ITPR1: variants seen among roughly 807,000 people sequenced by gnomAD.
ITPR1 encodes inositol 1,4,5-trisphosphate receptor type 1, also known as inositol 1,4,5-trisphosphate-gated calcium channel ITPR1.
Under a neutral mutation model 318.4 loss-of-function variants are expected in ITPR1, and 96 were observed. The ratio of observed to expected loss-of-function variants is 0.30; its 90% CI spans 0.26 to 0.36. The LOEUF is 0.36. Ranked by LOEUF, ITPR1 falls within the 10% of genes least tolerant of loss-of-function variation. The probability of loss-of-function intolerance (pLI) is 1.00; values close to 1 mark genes in which losing one functional copy is unlikely to be tolerated. For missense variants in ITPR1, 2,440 were observed against 3,460.2 expected, an observed-to-expected ratio of 0.71 and a Z score of 7.40; for synonymous variants, 1,312 against 1,289.9, an observed-to-expected ratio of 1.02 and a Z score of -0.37.
At chr3:4,509,291 C>T (rs1478964853) in intron 2 of ITPR1, among the ~76,000 whole-genome samples, 1 of 152,206 alleles carries the variant, frequency 6.6e-6, no homozygotes, top group African/African-American at 2.4e-5. Context: ...CAAGTGTACA[C>T]TCTTGTCAGT....
chr3:4,778,941 T>G (rs2046648334), intron 48 of ITPR1, among the ~76,000 whole-genome samples: 1 of 152,168 alleles, frequency 6.6e-6, no homozygotes, highest in South Asian at 2.1e-4. Context: ...AAGTACAGGA[T>G]GTGGGGTGTG....
chr3:4,683,325 AG>A (rs2094334527), intron 26 of ITPR1, 60 bp from the exon 27 acceptor site: 1 of 1,576,502 alleles, frequency 6.3e-7, no homozygotes, highest in Admixed American at 1.7e-5. Context: ...TCTGGGCCCA[AG>A]GGGCGTGAGA....
rs185428822 is a variant in ITPR1 at position 4,790,940 on chromosome 3, G to A, written c.6808+2801G>A. Among the ~76,000 whole-genome samples, 183 of 152,270 alleles carry A rather than the reference G, an allele frequency of 1.2e-3. 1 individual carries two copies. Among genetic ancestry groups the A allele is most frequent in the African/African-American group, 4.2e-3 (173 of 41,558 alleles). ...CTTTCCTGAAGATCCTATCCCCAGT[G>A]AAGTGAAAACTCTGGGCTAGGAAAA... On this transcript the variant is annotated intron_variant, in intron 52 of 61. Coordinates refer to ENST00000649015, the MANE Select transcript of ITPR1 (RefSeq NM_001378452.1).
intron 51 of ITPR1, 46 bp downstream of exon 51, chr3:4,783,966 T>TGCACACTAATGGCCTC: frequency 7.8e-7 from 1 of 1,287,418 alleles, no homozygotes; most frequent in Non-Finnish European, 1.1e-6. Flanking sequence ...TTGAGGCCAT[T>TGCACACTAATGGCCTC]AGTGTGCAAT....
chr3:4,543,332 G>A (rs1229435879), intron 4 of ITPR1, among the ~76,000 whole-genome samples: 1 of 152,084 alleles, frequency 6.6e-6, no homozygotes, highest in African/African-American at 2.4e-5. Context: ...GTTTGGGTCA[G>A]ATTTCCTCCT....
At chr3:4,669,373 C>T (rs2094022113) in intron 18 of ITPR1, among the ~76,000 whole-genome samples, 2 of 152,178 alleles carry the variant, frequency 1.3e-5, no homozygotes, top group African/African-American at 4.8e-5. Flanking sequence ...CCACACCTTC[C>T]TTATGTGAGC....
intron 61 of ITPR1, 62 bp downstream of exon 61, chr3:4,836,997 AC>A: frequency 7.3e-7 from 1 of 1,368,822 alleles, no homozygotes; most frequent in African/African-American, 1.4e-5. Context: ...ACCCACTATC[AC>A]CACACCAAAT....
At chr3:4,529,908 A>G (rs960053085) in intron 4 of ITPR1, among the ~76,000 whole-genome samples, 2 of 152,188 alleles carry the variant, frequency 1.3e-5, no homozygotes, top group African/African-American at 4.8e-5. Flanking sequence ...ACTGACATGT[A>G]AGATGTTTAG....
At chr3:4,580,225 A>T (rs1019740023) in intron 4 of ITPR1, among the ~76,000 whole-genome samples, 7 of 152,024 alleles carry the variant, frequency 4.6e-5, no homozygotes, top group Non-Finnish European at 7.4e-5. Context: ...AAAACCAAAA[A>T]ACCTTTATTA....
chr3:4,817,993 C>G, intron 59 of ITPR1, 89 bp from the exon 60 acceptor site: 1 of 1,058,966 alleles, frequency 9.4e-7, no homozygotes, highest in Non-Finnish European at 1.3e-6. Flanking sequence ...GAAACCACAG[C>G]CCCCTTTCTA....
In ITPR1 at chr3:4,646,649, A is replaced by G. The variant is rs78041264; in HGVS notation, c.855+921A>G. 4.5e-3 allele frequency among the ~76,000 whole-genome samples: 679 copies of G among 152,318 alleles called. 8 individuals are homozygous for G. The highest frequency in any genetic ancestry group is 0.015 in the African/African-American group (632 of 41,570). On this transcript the variant is annotated intron_variant, in intron 10 of 61. Transcript: ENST00000649015. ...AATCAGTGTGCAACTTAAAGAAGCT[A>G]GAAGATTCTGCCCACAGCATGTAAT... is the stretch of plus-strand genomic sequence containing the variant.
At chr3:4,566,608 A>ACACG (rs1559459414) in intron 4 of ITPR1, among the ~76,000 whole-genome samples, 1 of 122,474 alleles carries the variant, frequency 8.2e-6, no homozygotes, top group Non-Finnish European at 1.9e-5. Context: ...ACACATGCAC[A>ACACG]CACACACACA....
intron 45 of ITPR1, among the ~76,000 whole-genome samples, chr3:4,767,021 A>G (rs867571135): frequency 1.1e-4 from 16 of 152,346 alleles, no homozygotes; most frequent in African/African-American, 3.1e-4. Context: ...GGAAATACGT[A>G]TTTTAAAACT....
At chr3:4,677,237 T>C (rs2094203135) in intron 24 of ITPR1, among the ~76,000 whole-genome samples, 1 of 152,210 alleles carries the variant, frequency 6.6e-6, no homozygotes, top group African/African-American at 2.4e-5. Context: ...CCAAGTCCCC[T>C]TAAGCACTGG....
In ITPR1 at chr3:4,647,897, A is replaced by G. The variant is rs2093498264; in HGVS notation, c.855+2169A>G. Among the ~76,000 whole-genome samples the G allele has an allele frequency of 2.0e-5, 3 of 152,360 alleles. No individual in the cohort carries two copies. In the South Asian group the frequency reaches 6.2e-4, roughly 32 times the overall value. On this transcript the variant is annotated intron_variant, in intron 10 of 61. Coordinates refer to ENST00000649015, the MANE Select transcript of ITPR1 (RefSeq NM_001378452.1). The stretch of plus-strand genomic sequence containing the variant: ...CCGGACATGGTGGCTCATGCCTGTA[A>G]TCCCAGCACTTTGGGAGGCCAAGGT...
At chr3:4,756,639 C>T (rs111678292) in intron 44 of ITPR1, among the ~76,000 whole-genome samples, 17 of 152,108 alleles carry the variant, frequency 1.1e-4, no homozygotes, top group Non-Finnish European at 1.3e-4. Flanking sequence ...GCTCCATCCA[C>T]GTTCCCACAA....
intron 4 of ITPR1, among the ~76,000 whole-genome samples, chr3:4,612,144 C>T (rs1177301087): frequency 7.2e-6 from 1 of 139,524 alleles, no homozygotes; most frequent in Non-Finnish European, 1.5e-5. Flanking sequence ...TCACTGCAAG[C>T]TCTGTCTCTT....
At chr3:4,501,165 C>CT (rs966765816) in intron 2 of ITPR1, among the ~76,000 whole-genome samples, 192 of 145,196 alleles carry the variant, frequency 1.3e-3, no homozygotes, top group East Asian at 1.2e-3. Context: ...CCCAGCCAAA[C>CT]TTTTTTTTTT....
intron 42 of ITPR1, among the ~76,000 whole-genome samples, chr3:4,727,867 T>G (rs542113538): frequency 2.0e-5 from 3 of 152,234 alleles, no homozygotes; most frequent in Non-Finnish European, 2.9e-5. Context: ...TGTGCCACCA[T>G]GCCCAGCCCC....
Sources: gnomAD v4.1 joint callset for allele counts (sites outside exome capture counted in the v4.1 genomes callset) on GRCh38, gnomAD v4.1.1 for gene constraint, MANE v1.5 for transcripts, NCBI Gene and HGNC (gene_info 2026-07-23, HGNC 2026-07-21) for gene names.